CNGB3: variants seen among roughly 807,000 people sequenced by gnomAD.
CNGB3 encodes the protein cyclic nucleotide-gated channel beta-3.
CNGB3 carries 86 observed loss-of-function variants against 92.8 expected under a neutral mutation model. The ratio of observed to expected loss-of-function variants is 0.93; its 90% confidence interval spans 0.78 to 1.11. The LOEUF (loss-of-function observed/expected upper bound fraction) is 1.11, where lower values mean the gene tolerates loss of function less well. Among genes scored for constraint, CNGB3 ranks in the 50% least tolerant of loss-of-function variants. The pLI, the probability that CNGB3 is intolerant of heterozygous loss-of-function variation, is 0.00. For synonymous variants in CNGB3, 333 were observed against 332.7 expected (o/e 1.00, Z -0.01); for missense variants, 1,026 against 956.8 (o/e 1.07, Z -0.95).
At chr8:86,662,735 TC>T (rs1358340279) in intron 6 of CNGB3, among the ~76,000 whole-genome samples, 1 of 152,126 alleles carries the variant, frequency 6.6e-6, no homozygotes. Flanking sequence ...GCACAAGCAC[TC>T]TAGCAGGGGG....
chr8:86,643,802 T>A lies in CNGB3; in HGVS notation c.1127A>T (p.Asn376Ile). ...INACVYYWAS[N>I]YEGIGTTRWV... The stretch of plus-strand genomic sequence containing the variant: ...TCTAGTAGTGCCAATTCCTTCATAG[T>A]TTGAAGCCCAGTAATAAACACAGGC... The change falls in exon 10 of 18, where the codon AAC becomes ATC. Residue 376 changes from asparagine to isoleucine, a missense_variant. Coordinates refer to ENST00000320005, the MANE Select transcript of CNGB3 (RefSeq NM_019098.5). 1 of 1,607,018 alleles carries A rather than the reference T, an allele frequency of 6.2e-7. No homozygotes were observed. The highest frequency in any genetic ancestry group is 8.5e-7 in the Non-Finnish European group (1 of 1,175,740).
intron 15 of CNGB3, among the ~76,000 whole-genome samples, chr8:86,589,589 G>T (rs1392865472): frequency 6.6e-6 from 1 of 151,870 alleles, no homozygotes; most frequent in Admixed American, 6.6e-5. Flanking sequence ...CCTTCATTTC[G>T]TTATGTACCC....
chr8:86,605,891 C>T (rs1029256341), intron 14 of CNGB3, among the ~76,000 whole-genome samples: 8 of 152,152 alleles, frequency 5.3e-5, no homozygotes, highest in African/African-American at 7.2e-5. Flanking sequence ...TTTTAGTTAA[C>T]ATCCAGGAAG....
At chr8:86,658,619 C>T (rs537104240) in intron 6 of CNGB3, 4 of 352,310 alleles carry the variant, frequency 1.1e-5, no homozygotes, top group South Asian at 2.9e-5. Flanking sequence ...ACTGATCTCA[C>T]TACTGCTGTA....
chr8:86,679,153 A>T (rs1164956569), intron 3 of CNGB3, among the ~76,000 whole-genome samples: 2 of 152,124 alleles, frequency 1.3e-5, no homozygotes, highest in Non-Finnish European at 2.9e-5. Context: ...ACTAATATTT[A>T]TTGTGCACTT....
chr8:86,722,961 C>G (rs1265824157), intron 3 of CNGB3, among the ~76,000 whole-genome samples: 1 of 152,072 alleles, frequency 6.6e-6, no homozygotes, highest in Non-Finnish European at 1.5e-5. Flanking sequence ...TCGCATGAGT[C>G]AATTCCTTAT....
chr8:86,631,864 G>C (rs985732285), intron 11 of CNGB3, among the ~76,000 whole-genome samples: 3 of 152,130 alleles, frequency 2.0e-5, no homozygotes, highest in African/African-American at 7.2e-5. Context: ...GTTAATATCA[G>C]GGACTTTGCT....
At chr8:86,668,989 A>C (rs1823804429) in intron 4 of CNGB3, among the ~76,000 whole-genome samples, 1 of 152,214 alleles carries the variant, frequency 6.6e-6, no homozygotes. Context: ...ACTGCACTCC[A>C]GCCTGGGTGA....
At chr8:86,702,784 C>CT (rs199952530) in intron 3 of CNGB3, among the ~76,000 whole-genome samples, 4 of 151,520 alleles carry the variant, frequency 2.6e-5, no homozygotes, top group Non-Finnish European at 5.9e-5. Context: ...GAGTCATATT[C>CT]TTTTTTAAAA....
Position 86,659,904 on chromosome 8 carries a change from G to A in CNGB3, c.853-5842C>T, listed in dbSNP as rs552922216. Reference sequence around the variant, plus strand: ...GCCCTCCCCATTGACAAAGGATGTAGACTCAGAGGCAAGACAATTGAGCTG... The same window carrying A: ...GCCCTCCCCATTGACAAAGGATGTAAACTCAGAGGCAAGACAATTGAGCTG... On this transcript the variant is annotated intron_variant, in intron 6 of 17. Coordinates refer to ENST00000320005, the MANE Select transcript of CNGB3 (RefSeq NM_019098.5). 321 of 400,004 alleles carry A rather than the reference G, an allele frequency of 8.0e-4. 2 individuals are homozygous for A. The highest frequency in any genetic ancestry group is 6.4e-3 in the South Asian group (304 of 47,436). 24.8% of individuals were successfully genotyped at this position (400,004 alleles called of 1,614,324 possible).
chr8:86,666,191 C>T (rs919107462), intron 6 of CNGB3, among the ~76,000 whole-genome samples: 1 of 152,216 alleles, frequency 6.6e-6, no homozygotes, highest in Non-Finnish European at 1.5e-5. Flanking sequence ...TGATAGAAAA[C>T]AACTGCTTCA....
chr8:86,715,200 C>T (rs900706501), intron 3 of CNGB3, among the ~76,000 whole-genome samples: 4 of 152,104 alleles, frequency 2.6e-5, no homozygotes, highest in Non-Finnish European at 4.4e-5. Context: ...AGCTGATGCG[C>T]TCTTGAAAGC....
At chr8:86,718,321 A>C (rs1393693564) in intron 3 of CNGB3, among the ~76,000 whole-genome samples, 1 of 152,198 alleles carries the variant, frequency 6.6e-6, no homozygotes, top group Non-Finnish European at 1.5e-5. Flanking sequence ...CTCAGTTAGA[A>C]ATAAAACAGG....
chr8:86,594,310 G>A (rs141934970), intron 15 of CNGB3: 2 of 312,744 alleles, frequency 6.4e-6, no homozygotes, highest in Non-Finnish European at 6.2e-6. Context: ...AGTGGGAGAA[G>A]TCTACACCTG....
chr8:86,699,251 A>G (rs538129521), intron 3 of CNGB3, among the ~76,000 whole-genome samples: 1 of 152,100 alleles, frequency 6.6e-6, no homozygotes, highest in African/African-American at 2.4e-5. Context: ...TTATAACAGA[A>G]TTTTTAACTC....
intron 15 of CNGB3, among the ~76,000 whole-genome samples, chr8:86,591,725 A>G (rs1822042185): frequency 6.6e-6 from 1 of 152,166 alleles, no homozygotes; most frequent in African/African-American, 2.4e-5. Flanking sequence ...GTACTGGGAG[A>G]ACCACTGCTC....
intron 6 of CNGB3, among the ~76,000 whole-genome samples, chr8:86,654,284 A>C (rs1027618856): frequency 1.3e-5 from 2 of 152,104 alleles, no homozygotes; most frequent in African/African-American, 4.8e-5. Flanking sequence ...AGAGTTGCCT[A>C]CCTGCTTTAC....
In CNGB3 at chr8:86,642,203, G is replaced by A. The variant is rs141139592; in HGVS notation, c.1178+1548C>T. Among the ~76,000 whole-genome samples the A allele has an allele frequency of 4.3e-4, 65 of 151,686 alleles. 1 individual carries two copies. The East Asian group carries it at 0.011, about 25-fold the overall frequency. On this transcript the variant is annotated intron_variant, in intron 10 of 17. Coordinates refer to ENST00000320005, the MANE Select transcript of CNGB3 (RefSeq NM_019098.5). ...TTCACTTTCTGGAAGGCATTCTGAT[G>A]CAATCCTATATTGTTTTGCTAATTT...
intron 3 of CNGB3, among the ~76,000 whole-genome samples, chr8:86,713,907 G>A (rs528854454): frequency 1.1e-3 from 171 of 152,194 alleles, no homozygotes; most frequent in African/African-American, 4.0e-3. Context: ...TAAGTTGAAG[G>A]TATACAGATT....
Sources: gnomAD v4.1 joint callset for allele counts (sites outside exome capture counted in the v4.1 genomes callset) on GRCh38, gnomAD v4.1.1 for gene constraint, MANE v1.5 for transcripts, NCBI Gene and HGNC (gene_info 2026-07-23, HGNC 2026-07-21) for gene names.